The following BRINP1 variants were observed in gnomAD, a reference collection of about 807,000 sequenced individuals.
The protein encoded by BRINP1 is BMP/retinoic acid-inducible neural-specific protein 1.
BRINP1 carries 17 observed loss-of-function variants against 72.9 expected under a neutral mutation model. That is an observed-to-expected ratio of 0.23 (90% CI 0.16 to 0.35). BRINP1 has a LOEUF of 0.35. Ranked by LOEUF, BRINP1 falls within the 10% of genes least tolerant of loss-of-function variation. The pLI is 1.00. For synonymous variants in BRINP1, 418 were observed against 378.5 expected (o/e 1.10, Z -1.21); for missense variants, 850 against 1,001.6 (o/e 0.85, Z 2.04).
At chr9:119,197,950 T>C (rs943283262) in intron 7 of BRINP1, among the ~76,000 whole-genome samples, 2 of 152,204 alleles carry the variant, frequency 1.3e-5, no homozygotes, top group Middle Eastern at 3.2e-3. Flanking sequence ...AAAATGACTA[T>C]CGATTTAAAT....
At chr9:119,344,096 C>T (rs1831429439) in intron 1 of BRINP1, among the ~76,000 whole-genome samples, 1 of 152,156 alleles carries the variant, frequency 6.6e-6, no homozygotes, top group African/African-American at 2.4e-5. Context: ...GTCAGAGGAG[C>T]TCAGTCTGTT....
At chr9:119,331,797 CCA>C (rs1189032542) in intron 1 of BRINP1, among the ~76,000 whole-genome samples, 1 of 152,226 alleles carries the variant, frequency 6.6e-6, no homozygotes, top group Non-Finnish European at 1.5e-5. Flanking sequence ...GAAGAATATT[CCA>C]CAGACCACTT....
At chr9:119,308,502 G>C (rs1831022573) in intron 2 of BRINP1, among the ~76,000 whole-genome samples, 1 of 152,254 alleles carries the variant, frequency 6.6e-6, no homozygotes, top group South Asian at 2.1e-4. Context: ...ACTCTTGAAT[G>C]ACTGCTGTAT....
At chr9:119,355,397 C>G (rs1422078565) in intron 1 of BRINP1, among the ~76,000 whole-genome samples, 1 of 152,142 alleles carries the variant, frequency 6.6e-6, no homozygotes, top group Non-Finnish European at 1.5e-5. Flanking sequence ...AACAGCATAA[C>G]TAGAAGGAAG....
At chr9:119,298,774 T>C (rs1438163473) in intron 2 of BRINP1, among the ~76,000 whole-genome samples, 1 of 152,168 alleles carries the variant, frequency 6.6e-6, no homozygotes, top group Non-Finnish European at 1.5e-5. Flanking sequence ...CTAACTAGTC[T>C]ATCACAACAC....
At chr9:119,191,887 G>A (rs905762696) in intron 7 of BRINP1, among the ~76,000 whole-genome samples, 1 of 151,574 alleles carries the variant, frequency 6.6e-6, no homozygotes, top group African/African-American at 2.4e-5. Context: ...ATATAGAACT[G>A]GCATAAAAAA....
At chr9:119,321,861 C>A (rs72761773) in intron 1 of BRINP1, among the ~76,000 whole-genome samples, 1 of 152,174 alleles carries the variant, frequency 6.6e-6, no homozygotes, top group South Asian at 2.1e-4. Context: ...CTGCTAGAAA[C>A]TTTAAAATTA....
chr9:119,177,549 A>C lies in BRINP1; in HGVS notation c.1146-9325T>G, dbSNP rs186869627. ...TCTCCAAGTGACAGGACAGTACCCC[A>C]TTTAGAGTTCCTCTGTTCCCATCTG... is the stretch of plus-strand genomic sequence containing the variant. On this transcript the variant is annotated intron_variant, in intron 7 of 7. Transcript: ENST00000265922. Among the ~76,000 whole-genome samples, 43 of 152,190 alleles carry C rather than the reference A, an allele frequency of 2.8e-4. 1 individual carries two copies. The East Asian group carries it at 7.9e-3, about 28-fold the overall frequency.
chr9:119,352,667 C>T (rs1048301362), intron 1 of BRINP1, among the ~76,000 whole-genome samples: 9 of 152,136 alleles, frequency 5.9e-5, no homozygotes, highest in Non-Finnish European at 1.2e-4. Flanking sequence ...CTTGACTTCC[C>T]CAGTGCTGGG....
At chr9:119,348,526 G>T (rs1314125023) in intron 1 of BRINP1, among the ~76,000 whole-genome samples, 1 of 152,192 alleles carries the variant, frequency 6.6e-6, no homozygotes, top group Non-Finnish European at 1.5e-5. Flanking sequence ...TTTTGTAGCT[G>T]TCGCTGTACC....
At position 119,179,967 on chromosome 9, in the gene BRINP1, C is replaced by T. The variant is rs1829534074; in HGVS notation, c.1146-11743G>A. On this transcript the variant is annotated intron_variant, in intron 7 of 7. Transcript: ENST00000265922. ...TCATTTCGAGGACAGTCTCCGTCAC[C>T]CAGGGCTTCCCATCAGTGCTTTCAA... is the stretch of plus-strand genomic sequence containing the variant. Among the ~76,000 whole-genome samples the T allele has an allele frequency of 2.6e-5, 4 of 152,290 alleles. No individual in the cohort carries two copies. The South Asian group carries it at 8.3e-4, about 32-fold the overall frequency.
At chr9:119,237,151 A>G (rs372336192) in intron 5 of BRINP1, among the ~76,000 whole-genome samples, 1 of 152,096 alleles carries the variant, frequency 6.6e-6, no homozygotes, top group South Asian at 2.1e-4. Flanking sequence ...AATCACCTTT[A>G]TCATATACCT....
At chr9:119,337,163 C>T (rs537797149) in intron 1 of BRINP1, among the ~76,000 whole-genome samples, 355 of 152,308 alleles carry the variant, frequency 2.3e-3, no homozygotes, top group Non-Finnish European at 3.4e-3. Context: ...AAATAAACAG[C>T]CCCTAACATT....
At chr9:119,266,108 G>GA (rs1238819382) in intron 2 of BRINP1, among the ~76,000 whole-genome samples, 5 of 152,162 alleles carry the variant, frequency 3.3e-5, no homozygotes, top group Non-Finnish European at 4.4e-5. Flanking sequence ...AAGTCTCATG[G>GA]AAAAAATAGA....
chr9:119,309,848 A>G (rs1404098219), intron 2 of BRINP1, among the ~76,000 whole-genome samples: 1 of 152,100 alleles, frequency 6.6e-6, no homozygotes, highest in African/African-American at 2.4e-5. Flanking sequence ...TTTGTAATCT[A>G]TTGGGTTTTT....
intron 1 of BRINP1, among the ~76,000 whole-genome samples, chr9:119,331,256 C>T (rs1021877099): frequency 6.6e-5 from 10 of 152,172 alleles, no homozygotes; most frequent in Non-Finnish European, 1.3e-4. Flanking sequence ...GGCATTTTAT[C>T]ACTATGAGGA....
intron 7 of BRINP1, among the ~76,000 whole-genome samples, chr9:119,173,349 G>A (rs1432466843): frequency 6.9e-6 from 1 of 145,592 alleles, no homozygotes; most frequent in African/African-American, 2.6e-5. Context: ...CAGACAAACA[G>A]AGAGCCAAAT....
chr9:119,326,193 G>T (rs748871340), intron 1 of BRINP1, among the ~76,000 whole-genome samples: 5 of 152,128 alleles, frequency 3.3e-5, no homozygotes, highest in Non-Finnish European at 7.4e-5. Flanking sequence ...CAGTGTTGTA[G>T]TACCTAAAAA....
At chr9:119,278,845 G>T (rs551062316) in intron 2 of BRINP1, among the ~76,000 whole-genome samples, 68 of 152,198 alleles carry the variant, frequency 4.5e-4, no homozygotes, top group African/African-American at 1.5e-3. Context: ...CCGAGATTGC[G>T]CCACTGCACT....
Sources: gnomAD v4.1 joint callset for allele counts (sites outside exome capture counted in the v4.1 genomes callset) on GRCh38, gnomAD v4.1.1 for gene constraint, MANE v1.5 for transcripts, NCBI Gene and HGNC (gene_info 2026-07-23, HGNC 2026-07-21) for gene names.